The following WASHC2A variants were observed in gnomAD, a reference collection of about 807,000 sequenced individuals.
The protein encoded by WASHC2A is WASH complex subunit 2A.
Under a neutral mutation model 140.3 loss-of-function variants are expected in WASHC2A, and 82 were observed. The ratio of observed to expected loss-of-function variants is 0.58; its 90% CI spans 0.49 to 0.70. The LOEUF (loss-of-function observed/expected upper bound fraction) is 0.70, where lower values mean the gene tolerates loss of function less well. Ranked by LOEUF, WASHC2A falls within the 30% of genes least tolerant of loss-of-function variation. The probability of loss-of-function intolerance (pLI) is 0.00; values close to 1 mark genes in which losing one functional copy is unlikely to be tolerated. For synonymous variants in WASHC2A, 340 were observed against 560.8 expected (o/e 0.61, Z 5.56); for missense variants, 985 against 1,521.8 (o/e 0.65, Z 5.87).
At chr10:50,099,892 C>G in intron 16 of WASHC2A, 86 bp from the exon 17 acceptor site, 2 of 1,163,242 alleles carry the variant, frequency 1.7e-6, no homozygotes, top group South Asian at 3.0e-5. Context: ...TTGAGTAAAC[C>G]CTCTTTTCTG....
At chr10:50,107,477 C>T (rs1432931150) in intron 19 of WASHC2A, among the ~76,000 whole-genome samples, 2 of 151,822 alleles carry the variant, frequency 1.3e-5, no homozygotes, top group East Asian at 3.9e-4. Context: ...GAGTAGTAAA[C>T]ATCTTCCTGT....
At chr10:50,103,826 C>A (rs1175179369) in intron 17 of WASHC2A, among the ~76,000 whole-genome samples, 4 of 152,132 alleles carry the variant, frequency 2.6e-5, no homozygotes, top group Non-Finnish European at 4.4e-5. Context: ...GCCACCAGAT[C>A]CTGTAGCTCT....
intron 17 of WASHC2A, among the ~76,000 whole-genome samples, 173 bp downstream of exon 17, chr10:50,100,237 C>G (rs1353226155): frequency 6.6e-6 from 1 of 152,040 alleles, no homozygotes; most frequent in Non-Finnish European, 1.5e-5. Flanking sequence ...AATCCCAGCA[C>G]TTTGGTAGGC....
At chr10:50,090,536 ATT>A (rs1230024515) in intron 8 of WASHC2A, among the ~76,000 whole-genome samples, 2,477 of 99,616 alleles carry the variant, frequency 0.025, 49 homozygotes, top group Non-Finnish European at 0.047. Context: ...ATATATTTAT[ATT>A]TATATATATA....
At chr10:50,106,662 T>G (rs1841812495) in intron 19 of WASHC2A, among the ~76,000 whole-genome samples, 197 bp downstream of exon 19, 3 of 143,944 alleles carry the variant, frequency 2.1e-5, no homozygotes, top group African/African-American at 7.4e-5. Context: ...TCAAAATGGT[T>G]AGGAATAGGT....
intron 13 of WASHC2A, 152 bp from the exon 14 acceptor site, chr10:50,094,996 T>C (rs1840331624): frequency 6.8e-7 from 1 of 1,471,184 alleles, no homozygotes; most frequent in African/African-American, 1.4e-5. Flanking sequence ...GAGAAGAAAA[T>C]ACTAAAGAAT....
In WASHC2A at chr10:50,132,856, C is replaced by T. The variant is rs373425024; in HGVS notation, c.3937C>T (p.Arg1313Ter). 1.1e-5 allele frequency: 18 copies of T among 1,611,918 alleles called. No individual in the cohort carries two copies. Among genetic ancestry groups the T allele is most frequent in the East Asian group, 8.9e-5 (4 of 44,882 alleles). The part of the protein sequence containing the change: ...IQAKTTKPKS[R>*]SAQAAPEPRF... The stretch of plus-strand genomic sequence containing the variant: ...GGCTAAGACAACCAAACCAAAAAGC[C>T]GATCTGCACAGGCCGCACCTGAACC... The change falls in exon 31 of 31, where the codon CGA becomes TGA. Residue 1313 changes from arginine to a stop codon, truncating the protein, a stop_gained. Coordinates refer to ENST00000282633, the MANE Select transcript of WASHC2A (RefSeq NM_001005751.3). LOFTEE classifies it high-confidence loss of function.
chr10:50,130,804 C>T lies in WASHC2A; in HGVS notation c.3709-97C>T, dbSNP rs1843895030. 2.5e-6 allele frequency: 4 copies of T among 1,576,534 alleles called. No homozygotes were observed. The East Asian group carries it at 9.1e-5, about 36-fold the overall frequency. The stretch of plus-strand genomic sequence containing the variant: ...GGCAGTCTCGAGGCTGTTCCACACA[C>T]CCTGGCCAATTGTATTTCCATAGCT... On this transcript the variant is annotated intron_variant, in intron 29 of 30. Transcript: ENST00000282633.
chr10:50,095,660 G>A lies in WASHC2A; in HGVS notation c.1302G>A (p.Glu434=), dbSNP rs1349940245. The change falls in exon 15 of 31, where the codon GAG becomes GAA. Residue 434 remains glutamate (E), a synonymous_variant. Transcript: ENST00000282633. ...VPSMKEPQKP[E]QPTPRKSPYG... Reference sequence around the variant, plus strand: ...CAATGAAGGAGCCACAGAAGCCTGAGCAGCCCACTCCAAGGAAAAGCCCCT... The same window carrying A: ...CAATGAAGGAGCCACAGAAGCCTGAACAGCCCACTCCAAGGAAAAGCCCCT... The A allele has an allele frequency of 2.5e-6, 4 of 1,611,738 alleles. No individual in the cohort carries two copies. The highest frequency in any genetic ancestry group is 3.4e-6 in the Non-Finnish European group (4 of 1,179,806).
chr10:50,105,765 C>T (rs1333161281), intron 18 of WASHC2A, among the ~76,000 whole-genome samples: 2 of 147,136 alleles, frequency 1.4e-5, no homozygotes, highest in Non-Finnish European at 3.0e-5. Flanking sequence ...AAACTTAGTA[C>T]ACCAGCAATT....
chr10:50,077,433 A>AGGGAGG (rs1838467113), intron 3 of WASHC2A, among the ~76,000 whole-genome samples: 2 of 152,138 alleles, frequency 1.3e-5, no homozygotes, highest in Non-Finnish European at 2.9e-5. Flanking sequence ...CAGGTTGGGG[A>AGGGAGG]TAGGGAGGGA....
chr10:50,116,318 A>ATT (rs1177525686), intron 21 of WASHC2A, among the ~76,000 whole-genome samples: 1 of 54,720 alleles, frequency 1.8e-5, no homozygotes, highest in Non-Finnish European at 3.5e-5. Flanking sequence ...AATTATTATT[A>ATT]TTTTTTTTTT....
At chr10:50,120,436 A>G (rs1334639126) in intron 23 of WASHC2A, among the ~76,000 whole-genome samples, 2 of 146,596 alleles carry the variant, frequency 1.4e-5, no homozygotes, top group Non-Finnish European at 3.0e-5. Flanking sequence ...CCTGGCCAAC[A>G]TAATGAAACC....
intron 30 of WASHC2A, 94 bp downstream of exon 30, chr10:50,131,172 A>C: frequency 6.3e-7 from 1 of 1,577,492 alleles, no homozygotes; most frequent in Non-Finnish European, 8.7e-7. Context: ...TTTTCTGGAA[A>C]ATGCACCCCA....
At chr10:50,108,745 TGTG>T (rs2132838889) in intron 19 of WASHC2A, among the ~76,000 whole-genome samples, 1 of 103,202 alleles carries the variant, frequency 9.7e-6, no homozygotes, top group East Asian at 2.9e-4. Context: ...ATCTGGGTGT[TGTG>T]GTGCTTGCCT....
chr10:50,087,172 A>C, intron 7 of WASHC2A, 103 bp from the exon 8 acceptor site: 1 of 1,501,990 alleles, frequency 6.7e-7, no homozygotes, highest in Non-Finnish European at 9.3e-7. Context: ...CTTTTTCTCC[A>C]CTTGACATAG....
chr10:50,097,295 A>T (rs1554885001), intron 15 of WASHC2A, among the ~76,000 whole-genome samples: 1 of 151,634 alleles, frequency 6.6e-6, no homozygotes, highest in African/African-American at 2.4e-5. Context: ...ATTTTTTTTA[A>T]AACAGGAGCC....
At position 50,133,379 on chromosome 10, in the gene WASHC2A, T is replaced by C; in HGVS notation, c.*434T>C. On this transcript the variant is annotated 3_prime_UTR_variant, in exon 31 of 31. Transcript: ENST00000282633. The stretch of plus-strand genomic sequence containing the variant: ...GTGAGAGATTATACTTCATGAGTCT[T>C]AGCAATATGGGAGCAGGTTTTCACT... The C allele has an allele frequency of 2.1e-6, 1 of 475,460 alleles. No individual in the cohort carries two copies. Among genetic ancestry groups the C allele is most frequent in the Non-Finnish European group, 4.3e-6 (1 of 231,546 alleles). The allele number at this position is 475,460 out of a possible 1,614,324, so 29.5% of individuals were successfully genotyped here.
Position 50,090,787 on chromosome 10 carries a change from A to G in WASHC2A, c.744A>G (p.Gln248=). Residue 248 remains glutamine, a synonymous_variant, in exon 9 of 31, where the codon CAA becomes CAG. Coordinates refer to ENST00000282633, the MANE Select transcript of WASHC2A (RefSeq NM_001005751.3). ...SDNEQNRHTT[Q]MSDEEEDDDG... ...TTTTATACTCTTAGCACACCACACA[A>G]ATGAGTGATGAGGAAGAGGATGATG... is the stretch of plus-strand genomic sequence containing the variant. 1 of 1,610,972 alleles carries G rather than the reference A, an allele frequency of 6.2e-7. No individual in the cohort carries two copies. Among genetic ancestry groups the G allele is most frequent in the Non-Finnish European group, 8.5e-7 (1 of 1,179,622 alleles).
Sources: allele counts gnomAD v4.1 joint callset (sites outside exome capture counted in the v4.1 genomes callset), GRCh38; gene constraint gnomAD v4.1.1; transcripts MANE v1.5; gene names NCBI Gene and HGNC (gene_info 2026-07-23, HGNC 2026-07-21).